RFPL1: variants seen among roughly 807,000 people sequenced by gnomAD.
RFPL1 encodes the protein ret finger protein like 1.
RFPL1 carries 6 observed loss-of-function variants against 9.6 expected under a neutral mutation model. The observed-to-expected ratio is 0.62, with a 90% CI of 0.34 to 1.23. The LOEUF is 1.23. Among genes scored for constraint, RFPL1 ranks in the 50% most tolerant of loss-of-function variants. The probability of loss-of-function intolerance (pLI) is 0.03; values close to 1 mark genes in which losing one functional copy is unlikely to be tolerated. For missense variants in RFPL1, 352 were observed against 398.4 expected, an observed-to-expected ratio of 0.88 and a Z score of 0.99; for synonymous variants, 145 against 149.4, an observed-to-expected ratio of 0.97 and a Z score of 0.22.
the RFPL1 span, among the ~76,000 whole-genome samples, chr22:29,410,345 TATAG>T: frequency 1.3e-5 from 1 of 78,914 alleles, no homozygotes; most frequent in Non-Finnish European, 2.1e-5. Flanking sequence ...TAGATCTATA[TATAG>T]ATATATATGT....
chr22:29,434,176 T>C (rs986106783), upstream of RFPL1, among the ~76,000 whole-genome samples: 1 of 152,148 alleles, frequency 6.6e-6, no homozygotes, highest in African/African-American at 2.4e-5. Context: ...AATAAATAGT[T>C]TTTCCATCAT....
the RFPL1 span, among the ~76,000 whole-genome samples, chr22:29,405,585 T>G: frequency 1.3e-5 from 2 of 152,118 alleles, no homozygotes; most frequent in Non-Finnish European, 2.9e-5. Context: ...GACAAAGCTT[T>G]TGAGAAGAGC....
the RFPL1 span, among the ~76,000 whole-genome samples, chr22:29,425,375 G>C: frequency 6.6e-6 from 1 of 152,190 alleles, no homozygotes; most frequent in African/African-American, 2.4e-5. Context: ...GAAGCAGAGA[G>C]AAGCACTCAG....
chr22:29,394,707 C>T, the RFPL1 span, among the ~76,000 whole-genome samples: 3 of 152,214 alleles, frequency 2.0e-5, no homozygotes, highest in East Asian at 1.9e-4. Flanking sequence ...GGCCAAGCAT[C>T]GTTGTATGCC....
the RFPL1 span, among the ~76,000 whole-genome samples, chr22:29,417,938 G>GT: frequency 0.18 from 23,065 of 129,356 alleles, 2,553 homozygotes; most frequent in African/African-American, 0.3. Context: ...ACCTTGAATG[G>GT]TTTTTTTTTT....
At chr22:29,441,548 T>C (rs3804076) in exon 2 of RFPL1, 623,734 of 1,611,108 alleles carry the variant, frequency 0.39, 128,812 homozygotes, top group Middle Eastern at 0.43. Context: ...ACAGTGGATA[T>C]GACCTTGGAT....
At chr22:29,405,857 C>T in the RFPL1 span, among the ~76,000 whole-genome samples, 56 of 152,136 alleles carry the variant, frequency 3.7e-4, no homozygotes, top group South Asian at 8.1e-3. Flanking sequence ...CGCCTGTAAT[C>T]CCAGCACTTT....
chr22:29,442,187 G>A (rs2062844464), exon 2 of RFPL1: 19 of 1,207,702 alleles, frequency 1.6e-5, no homozygotes, highest in South Asian at 1.3e-4. Flanking sequence ...ACTTAGGAAC[G>A]CTCTACTCGG....
At chr22:29,400,726 TTTC>T in the RFPL1 span, among the ~76,000 whole-genome samples, 1 of 152,248 alleles carries the variant, frequency 6.6e-6, no homozygotes, top group South Asian at 2.1e-4. Context: ...ATGTCTTTAC[TTTC>T]TCACCTCTAG....
chr22:29,396,178 G>T, the RFPL1 span, among the ~76,000 whole-genome samples: 1 of 152,192 alleles, frequency 6.6e-6, no homozygotes, highest in Non-Finnish European at 1.5e-5. Flanking sequence ...ACTTGCTATG[G>T]TTTGAATGCA....
chr22:29,418,153 C>G, the RFPL1 span, among the ~76,000 whole-genome samples: 4 of 152,046 alleles, frequency 2.6e-5, no homozygotes, highest in Non-Finnish European at 4.4e-5. Flanking sequence ...TGGTCTTGAA[C>G]TCCTGACCTT....
At chr22:29,388,054 A>AATC in the RFPL1 span, among the ~76,000 whole-genome samples, 1,169 of 152,260 alleles carry the variant, frequency 7.7e-3, 18 homozygotes, top group African/African-American at 0.027. Context: ...TGGCAAAGAG[A>AATC]TAACGCCCTG....
At chr22:29,408,966 G>A in the RFPL1 span, among the ~76,000 whole-genome samples, 1 of 151,796 alleles carries the variant, frequency 6.6e-6, no homozygotes, top group Non-Finnish European at 1.5e-5. Context: ...GTGAATAAAG[G>A]CCTTTGCCAA....
chr22:29,412,121 G>A, the RFPL1 span, among the ~76,000 whole-genome samples: 3 of 152,180 alleles, frequency 2.0e-5, no homozygotes, highest in Non-Finnish European at 4.4e-5. Flanking sequence ...ATTGGTGAGA[G>A]GGGCAGAACA....
At chr22:29,402,849 C>T in the RFPL1 span, among the ~76,000 whole-genome samples, 501 of 140,656 alleles carry the variant, frequency 3.6e-3, 12 homozygotes, top group Admixed American at 0.028. Context: ...CAGCCCAGGA[C>T]GAATAGTGCA....
the RFPL1 span, chr22:29,388,711 T>G: frequency 6.6e-6 from 1 of 152,308 alleles, no homozygotes; most frequent in Non-Finnish European, 1.5e-5. Context: ...GCCGCGGCGC[T>G]GCTATGCTGC....
chr22:29,397,547 CAG>C, the RFPL1 span, among the ~76,000 whole-genome samples: 1 of 148,558 alleles, frequency 6.7e-6, no homozygotes, highest in East Asian at 1.9e-4. Flanking sequence ...ATGGGCCAAA[CAG>C]AACAAAAGAA....
chr22:29,397,384 A>G, the RFPL1 span, among the ~76,000 whole-genome samples: 1 of 152,148 alleles, frequency 6.6e-6, no homozygotes, highest in African/African-American at 2.4e-5. Flanking sequence ...TTAGAGCGTG[A>G]GGTCTCCAAA....
At chr22:29,424,528 G>A in the RFPL1 span, among the ~76,000 whole-genome samples, 4 of 152,066 alleles carry the variant, frequency 2.6e-5, no homozygotes, top group African/African-American at 7.2e-5. Context: ...CAAATGGCTT[G>A]TAAGTGGCTG....
Sources: gnomAD v4.1 joint callset for allele counts (sites outside exome capture counted in the v4.1 genomes callset) on GRCh38, gnomAD v4.1.1 for gene constraint, MANE v1.5 for transcripts, NCBI Gene and HGNC (gene_info 2026-07-23, HGNC 2026-07-21) for gene names.